Variants in GPR35 observed in about 807,000 individuals in gnomAD.
GPR35 encodes KYNA receptor.
For synonymous variants in GPR35, 207 were observed against 198.4 expected (o/e 1.04, Z -0.36); for missense variants, 372 against 422.5 (o/e 0.88, Z 1.05).
At chr2:240,608,323 A>G (rs2043155876) in intron 2 of GPR35, among the ~76,000 whole-genome samples, 2 of 152,292 alleles carry the variant, frequency 1.3e-5, no homozygotes, top group South Asian at 4.1e-4. Context: ...TAGAAATGTG[A>G]GAGCCACTTC....
intron 2 of GPR35, among the ~76,000 whole-genome samples, chr2:240,612,601 A>G (rs866844268): frequency 7.9e-5 from 12 of 152,154 alleles, no homozygotes; most frequent in African/African-American, 2.9e-4. Context: ...GGTGGGATCC[A>G]GATTTCAGCA....
chr2:240,616,466 A>T (rs185770929), exon 3 of GPR35: 1 of 780,574 alleles, frequency 1.3e-6, no homozygotes, highest in East Asian at 2.4e-5. Context: ...ATGCCTGCCA[A>T]TCTCCTGTCG....
chr2:240,622,564 T>G (rs957974786), upstream of GPR35, among the ~76,000 whole-genome samples: 1 of 152,158 alleles, frequency 6.6e-6, no homozygotes, highest in Non-Finnish European at 1.5e-5. Flanking sequence ...TCATAATGTT[T>G]TAAGAAAGTT....
Position 240,631,596 on chromosome 2 carries a change from G to C in GPR35, c.*714G>C, listed in dbSNP as rs1458406992. On this transcript the variant is annotated 3_prime_UTR_variant, in exon 2 of 2. Transcript: ENST00000407714. ...TGGGTTGGGGTGGGTGGCAGTGAAG[G>C]GGGTGGCCAGGGTCTGTCAAGGAAC... 2.0e-5 allele frequency among the ~76,000 whole-genome samples: 3 copies of C among 152,090 alleles called. No homozygotes were observed. The highest frequency in any genetic ancestry group is 4.4e-5 in the Non-Finnish European group (3 of 67,974).
chr2:240,615,032 CTGTT>C (rs2125477789), intron 2 of GPR35, among the ~76,000 whole-genome samples: 1 of 151,742 alleles, frequency 6.6e-6, no homozygotes, highest in East Asian at 1.9e-4. Context: ...TGTGATGTGT[CTGTT>C]TTTATGTGTG....
chr2:240,614,811 T>C (rs2043222599), intron 2 of GPR35, among the ~76,000 whole-genome samples: 2 of 152,226 alleles, frequency 1.3e-5, no homozygotes. Flanking sequence ...AGTGTGTGTG[T>C]ATGTGCACAT....
rs1227534861 is a variant in GPR35, at chr2:240,631,518, T to C, written c.*636T>C. 1.3e-5 allele frequency among the ~76,000 whole-genome samples: 2 copies of C among 150,912 alleles called. No homozygotes were observed. Among genetic ancestry groups the C allele is most frequent in the African/African-American group, 4.9e-5 (2 of 41,036 alleles). On this transcript the variant is annotated 3_prime_UTR_variant, in exon 2 of 2. Coordinates refer to ENST00000407714, the MANE Select transcript of GPR35 (RefSeq NM_005301.5). Reference sequence around the variant, plus strand: ...GGGCTGGGAGCAGCTGATCTCCATGTAGGGGCTGCACAGCGGTGCAAGGGG... The same window carrying C: ...GGGCTGGGAGCAGCTGATCTCCATGCAGGGGCTGCACAGCGGTGCAAGGGG...
chr2:240,605,861 A>T (rs2043127699), intron 1 of GPR35, among the ~76,000 whole-genome samples: 1 of 152,170 alleles, frequency 6.6e-6, no homozygotes, highest in Non-Finnish European at 1.5e-5. Flanking sequence ...CCTGGGGATA[A>T]TTTGGGGCCT....
chr2:240,609,804 G>A (rs2043165710), intron 2 of GPR35, among the ~76,000 whole-genome samples: 1 of 152,180 alleles, frequency 6.6e-6, no homozygotes, highest in Non-Finnish European at 1.5e-5. Flanking sequence ...TTACTGAGAT[G>A]AGGGTGTCAT....
intron 2 of GPR35, among the ~76,000 whole-genome samples, chr2:240,612,477 G>C (rs1559433197): frequency 6.6e-6 from 1 of 151,174 alleles, no homozygotes; most frequent in East Asian, 1.9e-4. Flanking sequence ...CTTGGCCAAA[G>C]GCTGCTGGTG....
chr2:240,609,162 A>C (rs1202154527), intron 2 of GPR35, among the ~76,000 whole-genome samples: 1 of 151,610 alleles, frequency 6.6e-6, no homozygotes, highest in African/African-American at 2.4e-5. Context: ...TTTCTTTTCA[A>C]ATAACCAATC....
At chr2:240,628,878 G>C (rs62186542) in intron 1 of GPR35, 1 of 152,264 alleles carries the variant, frequency 6.6e-6, no homozygotes, top group Admixed American at 6.5e-5. Context: ...CCAGGTGGTG[G>C]GACGTGTGGC....
At chr2:240,618,295 C>T (rs2043259033) in intron 4 of GPR35, among the ~76,000 whole-genome samples, 1 of 152,136 alleles carries the variant, frequency 6.6e-6, no homozygotes, top group South Asian at 2.1e-4. Context: ...AGTATATAAC[C>T]ACTGAAAATA....
chr2:240,620,623 G>A (rs527491415), upstream of GPR35, among the ~76,000 whole-genome samples: 107 of 152,140 alleles, frequency 7.0e-4, 2 homozygotes, highest in African/African-American at 2.2e-3. Context: ...CTGCGGTGGT[G>A]CCCAGCTCCT....
Position 240,631,539 on chromosome 2 carries a change from A to AG in GPR35, c.*664dup, listed in dbSNP as rs565829284. ...CATGTAGGGGCTGCACAGCGGTGCA[A>AG]GGGGGGGTGACCAAGGTCAAGCAGG... On this transcript the variant is annotated 3_prime_UTR_variant, in exon 2 of 2. Transcript: ENST00000407714. 8.3e-4 allele frequency among the ~76,000 whole-genome samples: 116 copies of AG among 139,572 alleles called. No homozygotes were observed. Among genetic ancestry groups the AG allele is most frequent in the African/African-American group, 2.9e-3 (112 of 39,012 alleles). 91.6% of individuals were successfully genotyped at this position (139,572 alleles called of 152,430 possible). A position where few individuals can be genotyped will look rare whatever the true frequency, so the allele number is the denominator to read the frequency against.
intron 5 of GPR35, chr2:240,619,143 T>A (rs1290977357): frequency 1.7e-6 from 1 of 599,926 alleles, no homozygotes; most frequent in African/African-American, 1.8e-5. Flanking sequence ...ACCTTAGAGA[T>A]CAGTGATCAA....
exon 5 of GPR35, chr2:240,618,969 C>T (rs267599288): frequency 2.8e-6 from 2 of 702,830 alleles, no homozygotes; most frequent in East Asian, 2.7e-5. Flanking sequence ...GGGCTGTCCC[C>T]ACTCCACACC....
Position 240,632,046 on chromosome 2 carries a change from C to T in GPR35, c.*1164C>T, listed in dbSNP as rs1336805795. Among the ~76,000 whole-genome samples, 19 of 56,084 alleles carry T rather than the reference C, an allele frequency of 3.4e-4. No homozygotes were observed. The highest frequency in any genetic ancestry group is 9.1e-4 in the Non-Finnish European group (14 of 15,312). The allele number at this position is 56,084 out of a possible 152,430, so 36.8% of individuals were successfully genotyped here. On this transcript the variant is annotated 3_prime_UTR_variant, in exon 2 of 2. Transcript: ENST00000407714. ...CTAAAAGGGTGCATGCCCAGGTGGG[C>T]CCATGCCCAGGAAGGTCCATGCCCA... is the stretch of plus-strand genomic sequence containing the variant.
intron 2 of GPR35, among the ~76,000 whole-genome samples, chr2:240,613,195 C>T (rs929400877): frequency 4.8e-4 from 73 of 152,200 alleles, no homozygotes; most frequent in African/African-American, 3.1e-4. Context: ...GGACAGCAGG[C>T]GCTGCAGGCC....
Sources: allele counts gnomAD v4.1 joint callset (sites outside exome capture counted in the v4.1 genomes callset), GRCh38; gene constraint gnomAD v4.1.1; transcripts MANE v1.5; gene names NCBI Gene and HGNC (gene_info 2026-07-23, HGNC 2026-07-21).